The following PTPRG variants were observed in gnomAD, a reference collection of about 807,000 sequenced individuals.
PTPRG encodes protein tyrosine phosphatase receptor type G, also known as receptor-type tyrosine-protein phosphatase gamma.
Under a neutral mutation model 165.3 loss-of-function variants are expected in PTPRG, and 102 were observed. The observed-to-expected ratio is 0.62, with a 90% CI of 0.53 to 0.73. The LOEUF (loss-of-function observed/expected upper bound fraction) is 0.73, where lower values mean the gene tolerates loss of function less well. Ranked by LOEUF, PTPRG falls within the 30% of genes least tolerant of loss-of-function variation. The pLI, the probability that PTPRG is intolerant of heterozygous loss-of-function variation, is 0.00. For synonymous variants in PTPRG, 675 were observed against 669.5 expected (o/e 1.01, Z -0.13); for missense variants, 1,866 against 1,861.4 (o/e 1.00, Z -0.05).
chr3:62,078,510 C>T (rs546328424), intron 5 of PTPRG, among the ~76,000 whole-genome samples: 69 of 152,248 alleles, frequency 4.5e-4, no homozygotes, highest in African/African-American at 1.6e-3. Context: ...ACACATTTAT[C>T]ATCTAAGTTA....
At chr3:61,707,751 C>T (rs775131770) in intron 1 of PTPRG, among the ~76,000 whole-genome samples, 16 of 152,078 alleles carry the variant, frequency 1.1e-4, no homozygotes, top group Admixed American at 4.6e-4. Context: ...TAAACTTTAC[C>T]GTCATAGTAT....
intron 2 of PTPRG, among the ~76,000 whole-genome samples, chr3:61,756,230 G>A (rs1334751666): frequency 6.6e-6 from 1 of 152,180 alleles, no homozygotes; most frequent in Non-Finnish European, 1.5e-5. Context: ...TCTTTGAACA[G>A]AACCTTTGTC....
intron 1 of PTPRG, among the ~76,000 whole-genome samples, chr3:61,596,109 G>A (rs1334053898): frequency 6.6e-6 from 1 of 152,198 alleles, no homozygotes; most frequent in East Asian, 1.9e-4. Context: ...TCAGTTTTCA[G>A]TAACTTTTGG....
chr3:61,584,579 T>C (rs1358300786), intron 1 of PTPRG, among the ~76,000 whole-genome samples: 2 of 152,162 alleles, frequency 1.3e-5, no homozygotes, highest in African/African-American at 2.4e-5. Context: ...TTAGGTTTTT[T>C]TTTTTTTTTC....
intron 2 of PTPRG, among the ~76,000 whole-genome samples, chr3:61,791,761 T>A (rs1316457963): frequency 6.6e-6 from 1 of 152,258 alleles, no homozygotes; most frequent in Non-Finnish European, 1.5e-5. Context: ...GTGCTGGGAT[T>A]ACAGGCATAA....
chr3:61,661,424 C>T (rs775449235), intron 1 of PTPRG, among the ~76,000 whole-genome samples: 4 of 151,930 alleles, frequency 2.6e-5, no homozygotes, highest in Admixed American at 6.6e-5. Context: ...TCTATATGCC[C>T]GTTTTTATGC....
chr3:61,905,353 A>C (rs566166542), intron 2 of PTPRG, among the ~76,000 whole-genome samples: 87 of 152,242 alleles, frequency 5.7e-4, no homozygotes, highest in Non-Finnish European at 1.2e-3. Flanking sequence ...TTCAGGAGTC[A>C]CATTAGAATC....
chr3:62,064,544 A>G (rs1378896128), intron 4 of PTPRG, among the ~76,000 whole-genome samples: 1 of 151,982 alleles, frequency 6.6e-6, no homozygotes, highest in African/African-American at 2.4e-5. Context: ...TATGCATATC[A>G]AGTTTTTCTT....
intron 2 of PTPRG, among the ~76,000 whole-genome samples, chr3:61,961,470 T>C (rs1034286960): frequency 2.6e-5 from 4 of 152,186 alleles, no homozygotes; most frequent in African/African-American, 9.7e-5. Flanking sequence ...TCAGGTCAGA[T>C]TGATGTCTGT....
chr3:62,132,099 C>T (rs904433128), intron 5 of PTPRG, among the ~76,000 whole-genome samples: 5 of 152,194 alleles, frequency 3.3e-5, no homozygotes, highest in African/African-American at 1.2e-4. Flanking sequence ...CTCCCCTCCT[C>T]TTCTGCTTTC....
chr3:61,740,701 C>T (rs1429003122), intron 1 of PTPRG, among the ~76,000 whole-genome samples: 2 of 151,710 alleles, frequency 1.3e-5, no homozygotes, highest in African/African-American at 2.4e-5. Flanking sequence ...CTGTGTGATT[C>T]CTCTTTCCCT....
At chr3:61,949,760 G>A (rs1177883741) in intron 2 of PTPRG, among the ~76,000 whole-genome samples, 1 of 150,330 alleles carries the variant, frequency 6.7e-6, no homozygotes, top group Non-Finnish European at 1.5e-5. Context: ...TTGTTTTGGA[G>A]AAGAAGTCTC....
chr3:62,096,333 A>G (rs1158609561), intron 5 of PTPRG, among the ~76,000 whole-genome samples: 1 of 152,204 alleles, frequency 6.6e-6, no homozygotes, highest in Non-Finnish European at 1.5e-5. Context: ...GCTGCTCACT[A>G]TCAGGTTTAT....
chr3:61,622,969 A>G (rs1701504904), intron 1 of PTPRG, among the ~76,000 whole-genome samples: 1 of 152,214 alleles, frequency 6.6e-6, no homozygotes. Flanking sequence ...TTCCTGTTCT[A>G]GAATTTCAGG....
At chr3:62,113,815 T>G (rs1380907014) in intron 5 of PTPRG, among the ~76,000 whole-genome samples, 1 of 152,094 alleles carries the variant, frequency 6.6e-6, no homozygotes, top group Non-Finnish European at 1.5e-5. Context: ...AAGATACAGA[T>G]TTTCCTCATC....
Position 61,951,633 on chromosome 3 carries a change from G to A in PTPRG, c.191-37992G>A, listed in dbSNP as rs577400795. 1.2e-4 allele frequency among the ~76,000 whole-genome samples: 19 copies of A among 152,216 alleles called. No homozygotes were observed. In the South Asian group the frequency reaches 2.3e-3, roughly 18 times the overall value. ...CTGTGTATTTCCAGCGCTTGTTTCCGTGTCTGGTTCTGAGATAGTCTACAC... is the reference window on the plus strand; with the variant it reads ...CTGTGTATTTCCAGCGCTTGTTTCCATGTCTGGTTCTGAGATAGTCTACAC... On this transcript the variant is annotated intron_variant, in intron 2 of 29. Transcript: ENST00000474889.
chr3:62,226,495 A>G (rs1229704551), intron 13 of PTPRG, among the ~76,000 whole-genome samples: 3 of 152,236 alleles, frequency 2.0e-5, no homozygotes, highest in Non-Finnish European at 4.4e-5. Flanking sequence ...TTTTATGTTG[A>G]ATAATATAAC....
At chr3:62,129,407 C>T (rs1003165917) in intron 5 of PTPRG, among the ~76,000 whole-genome samples, 1 of 152,136 alleles carries the variant, frequency 6.6e-6, no homozygotes, top group Non-Finnish European at 1.5e-5. Context: ...GAATGCCACA[C>T]TGGGTAATTT....
chr3:61,693,189 C>T (rs9854552), intron 1 of PTPRG, among the ~76,000 whole-genome samples: 4,219 of 152,056 alleles, frequency 0.028, 193 homozygotes, highest in African/African-American at 0.096. Context: ...AACTATTTAG[C>T]GAGATGTATA....
Sources: gnomAD v4.1 joint callset for allele counts (sites outside exome capture counted in the v4.1 genomes callset) on GRCh38, gnomAD v4.1.1 for gene constraint, MANE v1.5 for transcripts, NCBI Gene and HGNC (gene_info 2026-07-23, HGNC 2026-07-21) for gene names.